RRAS2: variants seen among roughly 807,000 people sequenced by gnomAD.
RRAS2 encodes the protein RAS related 2.
A neutral mutation model predicts 27.6 loss-of-function variants in RRAS2; 7 were observed. That is an observed-to-expected ratio of 0.25 (90% CI 0.14 to 0.48). The LOEUF is 0.48. Among genes scored for constraint, RRAS2 ranks in the 20% least tolerant of loss-of-function variants. The pLI is 0.99. For missense variants in RRAS2, 178 were observed against 256.2 expected (o/e 0.69, Z 2.08); for synonymous variants, 86 against 90.9 (o/e 0.95, Z 0.31).
intron 1 of RRAS2, among the ~76,000 whole-genome samples, chr11:14,341,594 A>T (rs906882941): frequency 1.3e-4 from 20 of 152,130 alleles, no homozygotes; most frequent in South Asian, 6.2e-4. Context: ...AGGACCAAAA[A>T]AAAAATAAAA....
At position 14,342,151 on chromosome 11, in the gene RRAS2, T is replaced by C. The variant is rs543852780; in HGVS notation, c.108+16612A>G. ...CCCCACTGCTCCTCCCAGATTCAAA[T>C]TGTTAACACAGTCACATGACCAAGA... On this transcript the variant is annotated intron_variant, in intron 1 of 5. Coordinates refer to ENST00000256196, the MANE Select transcript of RRAS2 (RefSeq NM_012250.6). 4 of 190,880 alleles carry C rather than the reference T, an allele frequency of 2.1e-5. No individual in the cohort carries two copies. In the East Asian group the frequency reaches 5.5e-4, roughly 26 times the overall value. 11.8% of individuals were successfully genotyped at this position (190,880 alleles called of 1,614,324 possible).
At chr11:14,304,695 T>C (rs1175866817) in intron 1 of RRAS2, among the ~76,000 whole-genome samples, 4 of 152,206 alleles carry the variant, frequency 2.6e-5, no homozygotes, top group African/African-American at 9.6e-5. Flanking sequence ...CCAAGCACAA[T>C]AAGGACCTAG....
chr11:14,355,624 CAAAG>C (rs1453470619), intron 1 of RRAS2, among the ~76,000 whole-genome samples: 16 of 152,116 alleles, frequency 1.1e-4, no homozygotes, highest in Admixed American at 9.8e-4. Context: ...AAATCTAAGT[CAAAG>C]AAAGTTAGGG....
intron 1 of RRAS2, among the ~76,000 whole-genome samples, chr11:14,348,046 A>C (rs1221373978): frequency 6.6e-6 from 1 of 152,184 alleles, no homozygotes; most frequent in Admixed American, 6.5e-5. Context: ...TTCCCTCCCA[A>C]GACATCTGGC....
chr11:14,334,855 CCTT>C (rs1554952388), intron 1 of RRAS2, among the ~76,000 whole-genome samples: 1 of 152,172 alleles, frequency 6.6e-6, no homozygotes, highest in Non-Finnish European at 1.5e-5. Context: ...AAACAAGACA[CCTT>C]CTTTTTCTAA....
chr11:14,354,483 T>A (rs1350119038), intron 1 of RRAS2: 4 of 152,038 alleles, frequency 2.6e-5, no homozygotes, highest in African/African-American at 7.2e-5. Context: ...GAATCCACAT[T>A]CATCACCTGA....
At chr11:14,360,913 CAAAA>C (rs78581800), upstream of RRAS2, among the ~76,000 whole-genome samples, 11 of 94,440 alleles carry the variant, frequency 1.2e-4, no homozygotes, top group African/African-American at 2.3e-4. Flanking sequence ...AATGCGGGCT[CAAAA>C]AAAAAAAAAA....
At chr11:14,301,315 C>CT (rs1847697009) in intron 1 of RRAS2, among the ~76,000 whole-genome samples, 1 of 152,018 alleles carries the variant, frequency 6.6e-6, no homozygotes, top group Non-Finnish European at 1.5e-5. Context: ...GACAGTGATC[C>CT]TTTTTTAACC....
At chr11:14,302,894 G>C (rs1295805726) in intron 1 of RRAS2, among the ~76,000 whole-genome samples, 4 of 152,220 alleles carry the variant, frequency 2.6e-5, no homozygotes, top group African/African-American at 9.6e-5. Flanking sequence ...TGGGAAACTA[G>C]AGTAGCTCAC....
At chr11:14,311,789 A>C (rs1327459153) in intron 1 of RRAS2, among the ~76,000 whole-genome samples, 1 of 152,204 alleles carries the variant, frequency 6.6e-6, no homozygotes, top group Non-Finnish European at 1.5e-5. Context: ...AAGGAAATTA[A>C]CACTGCAAAC....
intron 1 of RRAS2, among the ~76,000 whole-genome samples, chr11:14,318,247 C>T (rs1848153611): frequency 6.6e-6 from 1 of 152,006 alleles, no homozygotes; most frequent in Non-Finnish European, 1.5e-5. Context: ...ATCTGTAATC[C>T]CAGCACTTTG....
intron 5 of RRAS2, among the ~76,000 whole-genome samples, chr11:14,280,770 A>G (rs1554944206): frequency 1.4e-5 from 2 of 139,924 alleles, no homozygotes; most frequent in Non-Finnish European, 3.0e-5. Context: ...AGCCCACTTC[A>G]CATTCCTATC....
At chr11:14,298,778 T>C (rs1554947022) in intron 1 of RRAS2, among the ~76,000 whole-genome samples, 1 of 151,846 alleles carries the variant, frequency 6.6e-6, no homozygotes. Context: ...CTGCCTATCA[T>C]AGAATCAAAA....
intron 1 of RRAS2, among the ~76,000 whole-genome samples, chr11:14,351,372 G>C (rs2134037049): frequency 6.6e-6 from 1 of 152,216 alleles, no homozygotes; most frequent in East Asian, 1.9e-4. Flanking sequence ...CTACACATCA[G>C]GTAATAGTAT....
intron 1 of RRAS2, among the ~76,000 whole-genome samples, chr11:14,351,236 G>A (rs1441237745): frequency 6.6e-6 from 1 of 152,114 alleles, no homozygotes; most frequent in Non-Finnish European, 1.5e-5. Context: ...AAATATCAAT[G>A]TCATAAAACA....
intron 4 of RRAS2, among the ~76,000 whole-genome samples, chr11:14,293,119 AAACAAAT>A (rs1199435968): frequency 1.0e-5 from 1 of 97,166 alleles, no homozygotes; most frequent in African/African-American, 3.7e-5. Context: ...AAACAAAACA[AAACAAAT>A]ATATATATAT....
intron 1 of RRAS2, among the ~76,000 whole-genome samples, chr11:14,300,591 C>CA (rs1186796642): frequency 6.6e-6 from 1 of 151,668 alleles, no homozygotes; most frequent in Non-Finnish European, 1.5e-5. Flanking sequence ...ACCCCCGCCT[C>CA]AAAAAAAATT....
rs1554943903 is a variant in RRAS2, at chr11:14,279,149, T to G, written c.*188A>C. ...TAATCTTTGAAGCAGCCTTAGTGTT[T>G]CCTTTAAATTTGTCTGGAAATGACC... On this transcript the variant is annotated 3_prime_UTR_variant, in exon 6 of 6. Transcript: ENST00000256196. 1.8e-6 allele frequency: 1 copy of G among 569,524 alleles called. No homozygotes were observed. Among genetic ancestry groups the G allele is most frequent in the African/African-American group, 1.9e-5 (1 of 53,290 alleles). The allele number at this position is 569,524 out of a possible 1,614,324, so 35.3% of individuals were successfully genotyped here.
chr11:14,357,826 A>AGGTT (rs1303144496), intron 1 of RRAS2, among the ~76,000 whole-genome samples: 1 of 152,208 alleles, frequency 6.6e-6, no homozygotes, highest in Non-Finnish European at 1.5e-5. Flanking sequence ...CACACCTTTT[A>AGGTT]GGTTGACAAA....
Sources: gnomAD v4.1 joint callset for allele counts (sites outside exome capture counted in the v4.1 genomes callset) on GRCh38, gnomAD v4.1.1 for gene constraint, MANE v1.5 for transcripts, NCBI Gene and HGNC (gene_info 2026-07-23, HGNC 2026-07-21) for gene names.